ACIN1: variants seen among roughly 807,000 people sequenced by gnomAD.
ACIN1 encodes the protein apoptotic chromatin condensation inducer in the nucleus.
In ACIN1, 16 loss-of-function variants were observed where a neutral mutation model predicts 146.6. The ratio of observed to expected loss-of-function variants is 0.11; its 90% CI spans 0.07 to 0.17. The LOEUF (loss-of-function observed/expected upper bound fraction) is 0.17. ACIN1 is among the 10% of genes least tolerant of loss of function. The pLI is 1.00. For missense variants in ACIN1, 1,357 were observed against 1,609.3 expected, an observed-to-expected ratio of 0.84 and a Z score of 2.68; for synonymous variants, 569 against 582.7, an observed-to-expected ratio of 0.98 and a Z score of 0.34.
rs1241104680 is a variant in ACIN1 at position 23,066,039 on chromosome 14, GAGAA to G, written c.2266-35_2266-32del. 6.3e-6 allele frequency: 10 copies of G among 1,599,748 alleles called. No individual in the cohort carries two copies. In the Admixed American group the frequency reaches 8.4e-5, roughly 13 times the overall value. On this transcript the variant is annotated intron_variant, in intron 9 of 18. Coordinates refer to ENST00000605057, the MANE Select transcript of ACIN1 (RefSeq NM_001386863.1). ...TGAAGAAGAAAAAGGGGAAAAAAAAGAGAAAGAGAGACACCCCACAGAGAGGGGG... is the reference window on the plus strand; with the variant it reads ...TGAAGAAGAAAAAGGGGAAAAAAAAGAGAGAGACACCCCACAGAGAGGGGG...
intron 6 of ACIN1, 53 bp from the exon 7 acceptor site, chr14:23,079,091 T>C: frequency 6.6e-7 from 1 of 1,519,234 alleles, no homozygotes; most frequent in African/African-American, 1.4e-5. Context: ...TGGTATATAT[T>C]CAGTAGATTG....
At chr14:23,089,939 C>A in intron 4 of ACIN1, 43 bp downstream of exon 4, 1 of 1,540,000 alleles carries the variant, frequency 6.5e-7, no homozygotes. Flanking sequence ...CCACCAACTA[C>A]GCAGGATTGA....
intron 8 of ACIN1, among the ~76,000 whole-genome samples, chr14:23,073,829 T>A (rs1056502843): frequency 6.6e-6 from 1 of 151,678 alleles, no homozygotes; most frequent in African/African-American, 2.4e-5. Context: ...AATTTTGTTA[T>A]TGAAAATTCC....
rs2047517871 is a variant in ACIN1 at position 23,068,206 on chromosome 14, CT to C, written c.2265+1269del. The stretch of plus-strand genomic sequence containing the variant: ...GTCACAGCTTAAGTAGAGGGTCCCA[CT>C]CAGTGTTTTACAGCATGGCACTGCG... On this transcript the variant is annotated intron_variant, in intron 9 of 18. Coordinates refer to ENST00000605057, the MANE Select transcript of ACIN1 (RefSeq NM_001386863.1). This position sits in a 1 kb window ranked among gnomAD's most constrained non-coding sequence, Gnocchi z 4.3. 1 of 985,800 alleles carries C rather than the reference CT, an allele frequency of 1.0e-6. No individual in the cohort carries two copies. Among genetic ancestry groups the C allele is most frequent in the Non-Finnish European group, 1.2e-6 (1 of 829,970 alleles). 61.1% of individuals were successfully genotyped at this position (985,800 alleles called of 1,614,324 possible).
chr14:23,082,424 A>G (rs2047967563), intron 4 of ACIN1, among the ~76,000 whole-genome samples: 1 of 143,138 alleles, frequency 7.0e-6, no homozygotes, highest in African/African-American at 2.6e-5. Context: ...GGTTTTATGT[A>G]TTAGAGCTCA....
In ACIN1 at chr14:23,067,655, G is replaced by T; in HGVS notation, c.2266-1647C>A. On this transcript the variant is annotated intron_variant, in intron 9 of 18. Transcript: ENST00000605057. The surrounding 1 kb of genome is among the most constrained non-coding windows in gnomAD (Gnocchi z 4.6). ...GGGACATCATCTTGCAGTCCCTGAT[G>T]AGATGGCCTGTGAGTAGCAGGAATG... The T allele has an allele frequency of 1.0e-6, 1 of 985,928 alleles. No homozygotes were observed. The highest frequency in any genetic ancestry group is 1.2e-6 in the Non-Finnish European group (1 of 829,968). 61.1% of individuals were successfully genotyped at this position (985,928 alleles called of 1,614,324 possible).
chr14:23,093,148 C>T (rs1471090659), intron 2 of ACIN1, among the ~76,000 whole-genome samples: 5 of 152,348 alleles, frequency 3.3e-5, no homozygotes, highest in Admixed American at 6.5e-5. Context: ...CATATCTATA[C>T]TCAAAGACAT....
intron 6 of ACIN1, among the ~76,000 whole-genome samples, 184 bp downstream of exon 6, chr14:23,079,363 C>A (rs1157228360): frequency 6.6e-6 from 1 of 152,088 alleles, no homozygotes; most frequent in Non-Finnish European, 1.5e-5. Context: ...GAAAAAGAAC[C>A]CCATTTCGGG....
chr14:23,066,043 AAG>A (rs754051593), intron 9 of ACIN1, 35 bp from the exon 10 acceptor site: 1 of 1,588,368 alleles, frequency 6.3e-7, no homozygotes, highest in Non-Finnish European at 8.6e-7. Context: ...AAAAAAGAGA[AAG>A]AGAGACACCC....
chr14:23,090,249 G>A (rs1245067750), intron 3 of ACIN1, 148 bp from the exon 4 acceptor site: 1 of 1,116,840 alleles, frequency 9.0e-7, no homozygotes, highest in Non-Finnish European at 1.2e-6. Context: ...AAACTCCCTG[G>A]GATTCAGCTC....
chr14:23,078,517 T>C (rs1443904367), intron 7 of ACIN1, among the ~76,000 whole-genome samples: 5 of 152,364 alleles, frequency 3.3e-5, no homozygotes, highest in African/African-American at 1.2e-4. Context: ...TCAGTGATCC[T>C]TGTTCTGACA....
intron 12 of ACIN1, 84 bp downstream of exon 12, chr14:23,064,021 A>G: frequency 1.3e-6 from 2 of 1,565,868 alleles, no homozygotes; most frequent in South Asian, 2.4e-5. Flanking sequence ...GTTCCCTCCA[A>G]AGACTTTATC....
rs763067822 is a variant in ACIN1, at chr14:23,080,400, T to C, written c.935A>G (p.Glu312Gly). Residue 312 changes from glutamate to glycine, a missense_variant, in exon 6 of 19, where the codon GAA becomes GGA. Around this residue, in one of 4 missense-constraint regions of ACIN1, gnomAD observed 771 missense variants for 746.6 expected, o/e 1.03. Transcript: ENST00000605057. ...EMKTTSPLEE[E>G]EREIKSSQGL... Reference sequence around the variant, plus strand: ...TTGTGAAGATTTTATTTCTCTTTCTTCCTCCTCAAGGGGAGATGTTGTTTT... The same window carrying C: ...TTGTGAAGATTTTATTTCTCTTTCTCCCTCCTCAAGGGGAGATGTTGTTTT... The C allele has an allele frequency of 3.1e-6, 5 of 1,614,204 alleles. No homozygotes were observed. In the Admixed American group the frequency reaches 8.3e-5, roughly 27 times the overall value.
chr14:23,063,169 C>A, intron 13 of ACIN1, 95 bp from the exon 14 acceptor site: 2 of 1,351,222 alleles, frequency 1.5e-6, no homozygotes, highest in Non-Finnish European at 2.0e-6. Context: ...TCTTTTATAC[C>A]AAGCAGCCAC....
intron 8 of ACIN1, among the ~76,000 whole-genome samples, chr14:23,070,765 C>T (rs1009420104): frequency 1.4e-5 from 2 of 142,152 alleles, no homozygotes; most frequent in African/African-American, 4.9e-5. Context: ...AACAGGCTGA[C>T]TGACTGACAC....
intron 6 of ACIN1, 129 bp downstream of exon 6, chr14:23,079,418 T>C (rs2140146635): frequency 7.0e-7 from 1 of 1,428,138 alleles, no homozygotes; most frequent in Non-Finnish European, 9.4e-7. Context: ...GAGAAAGTAA[T>C]CAGTGAAGGA....
At chr14:23,095,488 TCCGAGGCCGGAAGTGCGTGGG>T (rs1345680448), upstream of ACIN1, 20 of 710,844 alleles carry the variant, frequency 2.8e-5, no homozygotes, top group Non-Finnish European at 4.4e-5. Context: ...TTGGGGCGGG[TCCGAGGCCGGAAGTGCGTGGG>T]CTGCCGGGCT....
intron 8 of ACIN1, among the ~76,000 whole-genome samples, chr14:23,072,342 G>C (rs1227555643): frequency 1.3e-5 from 2 of 152,160 alleles, no homozygotes. Flanking sequence ...GATAAACAGG[G>C]CAAGGGGACC....
intron 4 of ACIN1, among the ~76,000 whole-genome samples, chr14:23,089,079 T>G (rs983913944): frequency 2.6e-5 from 4 of 152,166 alleles, no homozygotes; most frequent in Non-Finnish European, 5.9e-5. Flanking sequence ...CTCGCTCTAT[T>G]GTCCAGGCTG....
Sources: gnomAD v4.1 joint callset for allele counts (sites outside exome capture counted in the v4.1 genomes callset) on GRCh38, gnomAD v4.1.1 for gene constraint, gnomAD v4.1.1 regional missense constraint, Gnocchi (gnomAD v3.1) non-coding constraint, MANE v1.5 for transcripts, NCBI Gene and HGNC (gene_info 2026-07-23, HGNC 2026-07-21) for gene names.